Variants in FRMD4A observed in about 807,000 individuals in gnomAD.
FRMD4A encodes the protein FERM domain-containing protein 4A.
FRMD4A carries 29 observed loss-of-function variants against 129.1 expected under a neutral mutation model. That is an observed-to-expected ratio of 0.22 (90% CI 0.17 to 0.31). The LOEUF is 0.31. Ranked by LOEUF, FRMD4A falls within the 10% of genes least tolerant of loss-of-function variation. FRMD4A has a pLI of 1.00. For synonymous variants in FRMD4A, 634 were observed against 571.6 expected (o/e 1.11, Z -1.56); for missense variants, 1,272 against 1,375.8 (o/e 0.92, Z 1.19).
At chr10:14,193,702 T>C (rs1251160810) in intron 2 of FRMD4A, among the ~76,000 whole-genome samples, 1 of 148,322 alleles carries the variant, frequency 6.7e-6, no homozygotes, top group Non-Finnish European at 1.5e-5. Flanking sequence ...AAAAAAAAAC[T>C]ACAAATAATA....
chr10:14,278,555 C>G (rs1845416149), intron 2 of FRMD4A, among the ~76,000 whole-genome samples: 1 of 152,186 alleles, frequency 6.6e-6, no homozygotes, highest in South Asian at 2.1e-4. Flanking sequence ...TTCTTACAAC[C>G]CTTTGTTGAA....
At chr10:13,730,859 C>CAAAAAAAAAA (rs10639026) in intron 12 of FRMD4A, among the ~76,000 whole-genome samples, 10 of 90,856 alleles carry the variant, frequency 1.1e-4, no homozygotes, top group East Asian at 3.5e-4. Flanking sequence ...ACTAAAAATA[C>CAAAAAAAAAA]AAAAAAAAAA....
chr10:13,920,408 C>T (rs955937977), intron 2 of FRMD4A, among the ~76,000 whole-genome samples: 3 of 152,198 alleles, frequency 2.0e-5, no homozygotes, highest in Non-Finnish European at 4.4e-5. Flanking sequence ...CCTGTCTTCA[C>T]CCAGTCCTAC....
At chr10:13,846,007 T>C (rs538815304) in intron 3 of FRMD4A, among the ~76,000 whole-genome samples, 1 of 152,326 alleles carries the variant, frequency 6.6e-6, no homozygotes, top group African/African-American at 2.4e-5. Context: ...GTTACTTTAC[T>C]TCTCTGTGCC....
intron 2 of FRMD4A, among the ~76,000 whole-genome samples, chr10:13,928,942 A>C (rs2095164948): frequency 6.6e-6 from 1 of 152,224 alleles, no homozygotes; most frequent in African/African-American, 2.4e-5. Context: ...CAGTTTAATA[A>C]GGCCTCCAGT....
chr10:14,133,010 C>T (rs1839342746), intron 2 of FRMD4A, among the ~76,000 whole-genome samples: 1 of 152,188 alleles, frequency 6.6e-6, no homozygotes, highest in Non-Finnish European at 1.5e-5. Flanking sequence ...ATGCCATCAT[C>T]AGTAAGATCA....
chr10:13,658,607 G>GCGGTGGCT, intron 21 of FRMD4A, among the ~76,000 whole-genome samples: 1 of 152,302 alleles, frequency 6.6e-6, no homozygotes, highest in East Asian at 1.9e-4. Flanking sequence ...GTGGCTAGGA[G>GCGGTGGCT]CGGTGGCTCA....
chr10:14,072,356 A>T (rs925472296), intron 2 of FRMD4A, among the ~76,000 whole-genome samples: 13 of 152,250 alleles, frequency 8.5e-5, no homozygotes, highest in Non-Finnish European at 1.6e-4. Flanking sequence ...AAAGCCAAAA[A>T]TAACAACCGT....
chr10:13,746,981 C>T (rs1416252392), intron 9 of FRMD4A, among the ~76,000 whole-genome samples: 3 of 151,944 alleles, frequency 2.0e-5, no homozygotes, highest in Non-Finnish European at 2.9e-5. Flanking sequence ...TGTGAAACAT[C>T]GAGGGAAAAT....
chr10:14,218,542 T>C (rs1472386371), intron 2 of FRMD4A, among the ~76,000 whole-genome samples: 2 of 152,164 alleles, frequency 1.3e-5, no homozygotes, highest in Non-Finnish European at 2.9e-5. Context: ...TTGCGGGAAG[T>C]CACAGGGCTG....
intron 2 of FRMD4A, among the ~76,000 whole-genome samples, chr10:13,869,056 C>T (rs1251753771): frequency 6.6e-6 from 1 of 152,160 alleles, no homozygotes; most frequent in Admixed American, 6.5e-5. Flanking sequence ...ATCCTAGGGA[C>T]GCTGCTGCTG....
At chr10:14,226,372 A>G (rs753760339) in intron 2 of FRMD4A, among the ~76,000 whole-genome samples, 7 of 152,200 alleles carry the variant, frequency 4.6e-5, no homozygotes, top group East Asian at 1.9e-4. Flanking sequence ...CAAAGTTGAC[A>G]TGTTAAAAAT....
intron 2 of FRMD4A, among the ~76,000 whole-genome samples, chr10:13,928,431 A>G (rs2095159091): frequency 6.6e-6 from 1 of 152,094 alleles, no homozygotes; most frequent in Non-Finnish European, 1.5e-5. Flanking sequence ...AATTCTAATT[A>G]ATGAAAATTA....
chr10:13,884,388 A>C (rs2094594561), intron 2 of FRMD4A, among the ~76,000 whole-genome samples: 1 of 152,196 alleles, frequency 6.6e-6, no homozygotes, highest in Non-Finnish European at 1.5e-5. Context: ...GTAGACAAAG[A>C]ACATTATGGG....
chr10:14,096,476 C>G (rs189278609), intron 2 of FRMD4A, among the ~76,000 whole-genome samples: 1 of 152,208 alleles, frequency 6.6e-6, no homozygotes, highest in Middle Eastern at 3.2e-3. Context: ...AAATCCCACT[C>G]GATGTAGGGA....
intron 4 of FRMD4A, among the ~76,000 whole-genome samples, chr10:13,798,051 G>C (rs1310672108): frequency 6.6e-6 from 1 of 152,078 alleles, no homozygotes; most frequent in Non-Finnish European, 1.5e-5. Context: ...TCTCCAGTTG[G>C]ATAAAAAAAT....
chr10:13,947,603 C>T (rs898628250), intron 2 of FRMD4A, among the ~76,000 whole-genome samples: 4 of 149,022 alleles, frequency 2.7e-5, no homozygotes, highest in Non-Finnish European at 6.0e-5. Flanking sequence ...CACACACACA[C>T]ACGTGCACAC....
chr10:13,673,768 GC>G (rs1564576605), intron 16 of FRMD4A, among the ~76,000 whole-genome samples: 21 of 133,434 alleles, frequency 1.6e-4, no homozygotes, highest in African/African-American at 6.1e-4. Flanking sequence ...AGAAAGCATT[GC>G]TTTTTTTTTT....
intron 2 of FRMD4A, among the ~76,000 whole-genome samples, chr10:14,107,714 C>T (rs1469620809): frequency 2.2e-4 from 33 of 152,162 alleles, no homozygotes; most frequent in Admixed American, 2.2e-3. Context: ...TACTTTCTCA[C>T]CTCACTTTTG....
Sources: gnomAD v4.1 joint callset for allele counts (sites outside exome capture counted in the v4.1 genomes callset) on GRCh38, gnomAD v4.1.1 for gene constraint, MANE v1.5 for transcripts, NCBI Gene and HGNC (gene_info 2026-07-23, HGNC 2026-07-21) for gene names.